Variants in FNTB observed in about 807,000 individuals in gnomAD.
FNTB encodes farnesyltransferase, CAAX box, subunit beta, also known as protein farnesyltransferase subunit beta.
In FNTB, 27 loss-of-function variants were observed where a neutral mutation model predicts 59.4. The observed-to-expected ratio is 0.45, with a 90% confidence interval of 0.34 to 0.63. The LOEUF (loss-of-function observed/expected upper bound fraction) is 0.63. Among genes scored for constraint, FNTB ranks in the 20% least tolerant of loss-of-function variants. FNTB has a pLI of 0.02. For synonymous variants in FNTB, 230 were observed against 220.7 expected (o/e 1.04, Z -0.37); for missense variants, 449 against 559.6 (o/e 0.80, Z 1.99).
chr14:65,061,673 C>G lies in FNTB; in HGVS notation c.*361C>G, dbSNP rs774507281. The G allele has an allele frequency of 3.0e-5, 6 of 203,278 alleles. No individual in the cohort carries two copies. The highest frequency in any genetic ancestry group is 4.5e-5 in the African/African-American group (2 of 44,310). 12.6% of individuals were successfully genotyped at this position (203,278 alleles called of 1,614,324 possible). ...CATCCAGAGCCACTGCTGACTCCCA[C>G]TTGCACGCCACCATTCAGTCACCAG... On this transcript the variant is annotated 3_prime_UTR_variant, in exon 12 of 12. Coordinates refer to ENST00000246166, the MANE Select transcript of FNTB (RefSeq NM_002028.4).
chr14:64,992,241 A>G (rs78693764), intron 1 of FNTB, among the ~76,000 whole-genome samples: 2,517 of 152,322 alleles, frequency 0.017, 40 homozygotes, highest in Middle Eastern at 0.034. Flanking sequence ...AAATTTCCCC[A>G]TTAAAAAGTC....
chr14:65,015,294 G>C (rs981652767), intron 3 of FNTB, among the ~76,000 whole-genome samples: 11 of 151,664 alleles, frequency 7.3e-5, no homozygotes, highest in African/African-American at 2.2e-4. Flanking sequence ...ATAGAGACAG[G>C]GTTTCGCCAT....
rs746486841 is a variant in FNTB, at chr14:65,027,429, T to A, written c.375-24T>A. Reference sequence around the variant, plus strand: ...GACATGAATGCTCTCTGACTTTGTTTTTGCCCTTTGGCTGTGTACCTAGTG... The same window carrying A: ...GACATGAATGCTCTCTGACTTTGTTATTGCCCTTTGGCTGTGTACCTAGTG... On this transcript the variant is annotated intron_variant, in intron 4 of 11. Coordinates refer to ENST00000246166, the MANE Select transcript of FNTB (RefSeq NM_002028.4). This position sits in a 1 kb window ranked among gnomAD's most constrained non-coding sequence, Gnocchi z 5.7. 1 of 1,612,968 alleles carries A rather than the reference T, an allele frequency of 6.2e-7. No individual in the cohort carries two copies. Among genetic ancestry groups the A allele is most frequent in the Non-Finnish European group, 8.5e-7 (1 of 1,179,494 alleles).
In FNTB at chr14:65,053,377, G is replaced by C. The variant is rs2296317; in HGVS notation, c.1067+28G>C. On this transcript the variant is annotated intron_variant, in intron 10 of 11. Transcript: ENST00000246166. ...GAGTGTTTTCTCTCTGGGGAGGGAA[G>C]GGAGAGGGGAGGAGAGAGCAGAGGG... 2.8e-4 allele frequency: 396 copies of C among 1,395,692 alleles called. 2 individuals are homozygous for C. In the East Asian group the frequency reaches 0.01, roughly 36 times the overall value. 86.5% of individuals were successfully genotyped at this position (1,395,692 alleles called of 1,614,324 possible).
chr14:65,000,838 A>AAAAAAAAAAAAAAAAAG lies in FNTB; in HGVS notation c.145-3408_145-3407insAAAAAAAAAAAAAGAAA, dbSNP rs778200008. On this transcript the variant is annotated intron_variant, in intron 1 of 11. Coordinates refer to ENST00000246166, the MANE Select transcript of FNTB (RefSeq NM_002028.4). Reference sequence around the variant, plus strand: ...CTCAAAAAAAAAAAAAAAAAAAAAAAAAAGAATAGTTACCCAAAAAGCTGG... The same window carrying AAAAAAAAAAAAAAAAAG: ...CTCAAAAAAAAAAAAAAAAAAAAAAAAAAAAAAAAAAAAAAAGAAAGAATAGTTACCCAAAAAGCTGG... 2.9e-4 allele frequency among the ~76,000 whole-genome samples: 34 copies of AAAAAAAAAAAAAAAAAG among 116,082 alleles called. 3 individuals carry two copies. Among genetic ancestry groups the AAAAAAAAAAAAAAAAAG allele is most frequent in the Non-Finnish European group, 4.4e-4 (22 of 49,730 alleles). The allele number at this position is 116,082 out of a possible 152,430, so 76.2% of individuals were successfully genotyped here. A position where few individuals can be genotyped will look rare whatever the true frequency, so the allele number is the denominator to read the frequency against.
At chr14:65,022,665 C>T (rs2061910563) in intron 4 of FNTB, among the ~76,000 whole-genome samples, 1 of 151,328 alleles carries the variant, frequency 6.6e-6, no homozygotes, top group Non-Finnish European at 1.5e-5. Context: ...CCACACCCAG[C>T]CAAATACTTA....
chr14:65,035,271 GT>G, intron 7 of FNTB, among the ~76,000 whole-genome samples: 1 of 152,302 alleles, frequency 6.6e-6, no homozygotes, highest in East Asian at 1.9e-4. Flanking sequence ...AGAAAAAGTT[GT>G]GGGGGAAGGG....
chr14:65,000,927 A>G (rs1888577422), intron 1 of FNTB, among the ~76,000 whole-genome samples: 2 of 152,132 alleles, frequency 1.3e-5, no homozygotes, highest in South Asian at 4.1e-4. Flanking sequence ...CTCTACACTA[A>G]AATTACATAA....
At position 65,028,180 on chromosome 14, in the gene FNTB, G is replaced by T. The variant is rs2062017969; in HGVS notation, c.605+399G>T. Among the ~76,000 whole-genome samples, 1 of 152,216 alleles carries T rather than the reference G, an allele frequency of 6.6e-6. No individual in the cohort carries two copies. Among genetic ancestry groups the T allele is most frequent in the African/African-American group, 2.4e-5 (1 of 41,450 alleles). Reference sequence around the variant, plus strand: ...TTCTGAGTGAATTTGATGAAATCATGAGAATGTCTAATCCCTGAGGTCCTC... The same window carrying T: ...TTCTGAGTGAATTTGATGAAATCATTAGAATGTCTAATCCCTGAGGTCCTC... On this transcript the variant is annotated intron_variant, in intron 6 of 11. Coordinates refer to ENST00000246166, the MANE Select transcript of FNTB (RefSeq NM_002028.4). The surrounding 1 kb of genome is among the most constrained non-coding windows in gnomAD (Gnocchi z 4.4).
chr14:65,050,049 G>A (rs2062572390), intron 9 of FNTB, among the ~76,000 whole-genome samples: 1 of 151,898 alleles, frequency 6.6e-6, no homozygotes, highest in South Asian at 2.1e-4. Context: ...CAAAACAGAG[G>A]AGCAAAAAGG....
chr14:65,009,053 T>G lies in FNTB; in HGVS notation c.210-3264T>G, dbSNP rs1349789782. Among the ~76,000 whole-genome samples, 1 of 152,194 alleles carries G rather than the reference T, an allele frequency of 6.6e-6. No individual in the cohort carries two copies. Among genetic ancestry groups the G allele is most frequent in the Non-Finnish European group, 1.5e-5 (1 of 68,036 alleles). Reference sequence around the variant, plus strand: ...TCTGCTCCATGTAATTGAATGGTTTTGGGGCTGAATTGTTCAGGTAAAAAT... The same window carrying G: ...TCTGCTCCATGTAATTGAATGGTTTGGGGGCTGAATTGTTCAGGTAAAAAT... On this transcript the variant is annotated intron_variant, in intron 2 of 11. Transcript: ENST00000246166. This position sits in a 1 kb window ranked among gnomAD's most constrained non-coding sequence, Gnocchi z 4.2.
chr14:65,027,987 A>T lies in FNTB; in HGVS notation c.605+206A>T, dbSNP rs1356840223. On this transcript the variant is annotated intron_variant, in intron 6 of 11. Transcript: ENST00000246166. This position sits in a 1 kb window ranked among gnomAD's most constrained non-coding sequence, Gnocchi z 5.7. ...CATGATCACTTGACTTATTTTATGT[A>T]AATGTGAAAATATAAGAAACAAATG... Among the ~76,000 whole-genome samples the T allele has an allele frequency of 6.6e-6, 1 of 152,254 alleles. No individual in the cohort carries two copies. Among genetic ancestry groups the T allele is most frequent in the Non-Finnish European group, 1.5e-5 (1 of 68,044 alleles).
intron 11 of FNTB, among the ~76,000 whole-genome samples, chr14:65,057,083 C>A (rs1360837080): frequency 6.6e-6 from 1 of 152,186 alleles, no homozygotes; most frequent in Non-Finnish European, 1.5e-5. Flanking sequence ...AGTGAGAGCT[C>A]ACGCACTACT....
intron 9 of FNTB, among the ~76,000 whole-genome samples, chr14:65,045,355 C>A (rs911530381): frequency 6.6e-6 from 1 of 152,094 alleles, no homozygotes; most frequent in African/African-American, 2.4e-5. Flanking sequence ...AGATGAGATT[C>A]TTTTCTGCCC....
In FNTB at chr14:65,032,639, C is replaced by T. The variant is rs767185580; in HGVS notation, c.635C>T (p.Ser212Leu). The T allele has an allele frequency of 3.1e-6, 5 of 1,613,998 alleles. No individual in the cohort carries two copies. The highest frequency in any genetic ancestry group is 1.7e-5 in the Admixed American group (1 of 60,018). Residue 212 changes from serine to leucine, a missense_variant, in exon 7 of 12, where the codon TCG becomes TTG. Ser to Leu is a moderately radical substitution (Grantham distance 145). Transcript: ENST00000246166. This position sits in a 1 kb window ranked among gnomAD's most constrained non-coding sequence, Gnocchi z 5.0. The part of the protein sequence containing the change: ...RSAYCAASVA[S>L]LTNIITPDLF... Reference sequence around the variant, plus strand: ...GCATACTGTGCTGCCTCCGTAGCCTCGCTGACCAACATCATCACTCCAGAC... The same window carrying T: ...GCATACTGTGCTGCCTCCGTAGCCTTGCTGACCAACATCATCACTCCAGAC...
intron 4 of FNTB, among the ~76,000 whole-genome samples, chr14:65,017,446 C>T (rs2061797582): frequency 6.6e-6 from 1 of 152,134 alleles, no homozygotes; most frequent in Admixed American, 6.5e-5. Flanking sequence ...GAGAGAATCA[C>T]AGGGGGTGCC....
chr14:65,061,391 T>A lies in FNTB; in HGVS notation c.*79T>A. 6.3e-7 allele frequency: 1 copy of A among 1,587,784 alleles called. No individual in the cohort carries two copies. Among genetic ancestry groups the A allele is most frequent in the Non-Finnish European group, 8.6e-7 (1 of 1,168,032 alleles). On this transcript the variant is annotated 3_prime_UTR_variant, in exon 12 of 12. Transcript: ENST00000246166. ...TTTATACGTTTCAATACATACTGCATTCTGTGCTACACAAGCCTTAGCCTC... is the reference window on the plus strand; with the variant it reads ...TTTATACGTTTCAATACATACTGCAATCTGTGCTACACAAGCCTTAGCCTC...
chr14:65,004,645 G>C (rs942577189), intron 2 of FNTB, among the ~76,000 whole-genome samples: 5 of 152,166 alleles, frequency 3.3e-5, no homozygotes, highest in Admixed American at 1.3e-4. Context: ...AGAACTCTCA[G>C]GTTTTTCTTT....
intron 1 of FNTB, among the ~76,000 whole-genome samples, chr14:64,989,272 C>CAAAAAAAAAAA (rs58654871): frequency 1.4e-5 from 1 of 69,936 alleles, no homozygotes; most frequent in Non-Finnish European, 3.0e-5. Flanking sequence ...CTGTCTCTAC[C>CAAAAAAAAAAA]AAAAAAAAAA....
Sources: allele counts gnomAD v4.1 joint callset (sites outside exome capture counted in the v4.1 genomes callset), GRCh38; gene constraint gnomAD v4.1.1; non-coding constraint Gnocchi (gnomAD v3.1); transcripts MANE v1.5; gene names NCBI Gene and HGNC (gene_info 2026-07-23, HGNC 2026-07-21).